The following ZNF609 variants were observed in gnomAD, a reference collection of about 807,000 sequenced individuals.
ZNF609 encodes zinc finger protein 609.
ZNF609 carries 11 observed loss-of-function variants against 109.5 expected under a neutral mutation model. The observed-to-expected ratio is 0.10, with a 90% confidence interval of 0.06 to 0.17. ZNF609 has a LOEUF of 0.17. Ranked by LOEUF, ZNF609 falls within the 10% of genes least tolerant of loss-of-function variation. ZNF609 has a pLI of 1.00. For missense variants in ZNF609, 1,559 were observed against 1,772.4 expected (o/e 0.88, Z 2.16); for synonymous variants, 646 against 662.0 (o/e 0.98, Z 0.37).
chr15:64,524,180 C>G (rs939076434), intron 2 of ZNF609, among the ~76,000 whole-genome samples: 17 of 152,084 alleles, frequency 1.1e-4, no homozygotes, highest in African/African-American at 2.9e-4. Context: ...AACCCTGTAC[C>G]CATCAGCAGT....
chr15:64,589,900 G>A (rs1333066714), intron 2 of ZNF609, among the ~76,000 whole-genome samples: 1 of 152,214 alleles, frequency 6.6e-6, no homozygotes, highest in Non-Finnish European at 1.5e-5. Context: ...GCTCTTGATA[G>A]TATTCACAGA....
intron 2 of ZNF609, among the ~76,000 whole-genome samples, chr15:64,549,678 T>TGA (rs548270106): frequency 1.3e-5 from 2 of 151,806 alleles, no homozygotes; most frequent in East Asian, 1.9e-4. Flanking sequence ...TGTGTGTGAG[T>TGA]GAGAGAGAGA....
At chr15:64,571,060 C>T (rs1334421849) in intron 2 of ZNF609, among the ~76,000 whole-genome samples, 1 of 152,138 alleles carries the variant, frequency 6.6e-6, no homozygotes, top group Non-Finnish European at 1.5e-5. Flanking sequence ...TCTATATGGA[C>T]AGTCATATCT....
intron 1 of ZNF609, among the ~76,000 whole-genome samples, chr15:64,468,623 C>A (rs1197159519): frequency 7.9e-5 from 12 of 152,022 alleles, no homozygotes; most frequent in Non-Finnish European, 5.9e-5. Flanking sequence ...GTCTGGTTGC[C>A]CAGGCTGGTC....
chr15:64,461,245 G>C (rs927126253), intron 1 of ZNF609, among the ~76,000 whole-genome samples: 6 of 41,864 alleles, frequency 1.4e-4, no homozygotes, highest in African/African-American at 2.8e-4. Flanking sequence ...GGTGGTGGTT[G>C]TTCAGAGCAT....
chr15:64,486,984 A>G (rs1192452114), intron 1 of ZNF609, among the ~76,000 whole-genome samples: 1 of 152,062 alleles, frequency 6.6e-6, no homozygotes, highest in African/African-American at 2.4e-5. Flanking sequence ...TTATGTCACA[A>G]TTTTTGGTTA....
rs747733669 is a variant in ZNF609 at position 64,680,705 on chromosome 15, T to C, written c.4005T>C (p.Gly1335=). The change falls in exon 8 of 10, where the codon GGT becomes GGC. Residue 1335 remains glycine, a synonymous_variant. Coordinates refer to ENST00000326648, the MANE Select transcript of ZNF609 (RefSeq NM_015042.2). ...DRGGCGVVGG[G]GSCSSVGGAS... is the part of the protein sequence containing the mutation. The stretch of plus-strand genomic sequence containing the variant: ...GAGGCTGTGGGGTGGTTGGGGGTGG[T>C]GGCAGCTGTAGCAGCGTCGGGGGAG... 1.3e-6 allele frequency: 2 copies of C among 1,598,892 alleles called. No individual in the cohort carries two copies. Among genetic ancestry groups the C allele is most frequent in the Non-Finnish European group, 1.7e-6 (2 of 1,173,770 alleles).
intron 3 of ZNF609, among the ~76,000 whole-genome samples, chr15:64,640,823 G>T (rs139967263): frequency 6.6e-6 from 1 of 152,338 alleles, no homozygotes; most frequent in East Asian, 1.9e-4. Context: ...AAGGATATAC[G>T]ATTTAAGGGT....
chr15:64,500,715 G>A (rs549092849), intron 2 of ZNF609: 25 of 404,602 alleles, frequency 6.2e-5, no homozygotes, highest in African/African-American at 4.2e-4. Flanking sequence ...ACATTTTGAG[G>A]GCAAGAGGTA....
At position 64,640,094 on chromosome 15, in the gene ZNF609, A is replaced by AT. The variant is rs775293584; in HGVS notation, c.973+17050dup. ...GCCACCACACCCAGCTAATTGTTGT[A>AT]TTTTTTTTAGTAGAGACAGTGTTTC... On this transcript the variant is annotated intron_variant, in intron 3 of 9. Coordinates refer to ENST00000326648, the MANE Select transcript of ZNF609 (RefSeq NM_015042.2). Among the ~76,000 whole-genome samples, 1,355 of 151,332 alleles carry AT rather than the reference A, an allele frequency of 9.0e-3. 23 individuals are homozygous for AT. Among genetic ancestry groups the AT allele is most frequent in the African/African-American group, 0.031 (1,290 of 41,320 alleles).
intron 2 of ZNF609, among the ~76,000 whole-genome samples, chr15:64,541,426 C>CAAAAAAAAAA (rs34461479): frequency 1.5e-5 from 1 of 67,830 alleles, no homozygotes; most frequent in Non-Finnish European, 3.2e-5. Context: ...GACTCCGTCT[C>CAAAAAAAAAA]AAAAAAAAAA....
At chr15:64,582,228 CA>C (rs1366571181) in intron 2 of ZNF609, among the ~76,000 whole-genome samples, 1 of 152,136 alleles carries the variant, frequency 6.6e-6, no homozygotes, top group African/African-American at 2.4e-5. Context: ...CTACAACAGC[CA>C]AGTTGAGTAA....
chr15:64,650,822 A>T (rs1464874256), intron 3 of ZNF609, among the ~76,000 whole-genome samples: 1 of 151,558 alleles, frequency 6.6e-6, no homozygotes, highest in Non-Finnish European at 1.5e-5. Context: ...ATCTTCACCT[A>T]AGACTAGAAT....
At position 64,598,760 on chromosome 15, in the gene ZNF609, A is replaced by G. The variant is rs1376492165; in HGVS notation, c.748-24067A>G. On this transcript the variant is annotated intron_variant, in intron 2 of 9. Transcript: ENST00000326648. Reference sequence around the variant, plus strand: ...TGTGTGTGTATATATATATATATATATATATATATATATATATATATATAT... The same window carrying G: ...TGTGTGTGTATATATATATATATATGTATATATATATATATATATATATAT... Among the ~76,000 whole-genome samples the G allele has an allele frequency of 1.9e-3, 234 of 124,752 alleles. 5 individuals are homozygous for G. The highest frequency in any genetic ancestry group is 5.2e-3 in the Admixed American group (66 of 12,638). 81.8% of individuals were successfully genotyped at this position (124,752 alleles called of 152,430 possible). A position where few individuals can be genotyped will look rare whatever the true frequency, so the allele number is the denominator to read the frequency against.
At chr15:64,519,093 C>A (rs1257124157) in intron 2 of ZNF609, among the ~76,000 whole-genome samples, 2 of 124,026 alleles carry the variant, frequency 1.6e-5, no homozygotes, top group African/African-American at 6.5e-5. Flanking sequence ...TAATTAGGAA[C>A]TGAACCATTC....
At chr15:64,511,863 C>G (rs1196967437) in intron 2 of ZNF609, among the ~76,000 whole-genome samples, 2 of 151,790 alleles carry the variant, frequency 1.3e-5, no homozygotes, top group Non-Finnish European at 2.9e-5. Flanking sequence ...TACAGGCACA[C>G]TCCACCACGC....
At chr15:64,591,204 C>T (rs1397647726) in intron 2 of ZNF609, among the ~76,000 whole-genome samples, 1 of 152,042 alleles carries the variant, frequency 6.6e-6, no homozygotes, top group Non-Finnish European at 1.5e-5. Context: ...CCAAGGCTGG[C>T]GGATCATGAG....
At chr15:64,655,261 T>G (rs906252730) in intron 3 of ZNF609, among the ~76,000 whole-genome samples, 1 of 150,632 alleles carries the variant, frequency 6.6e-6, no homozygotes, top group African/African-American at 2.4e-5. Context: ...CTGACCAGCA[T>G]GGAGAAACCC....
chr15:64,588,442 A>AAAAAAAAAAAAAAAG (rs71133451), intron 2 of ZNF609, among the ~76,000 whole-genome samples: 1,560 of 75,200 alleles, frequency 0.021, 497 homozygotes, highest in Middle Eastern at 0.054. Context: ...AAAAAAAAAA[A>AAAAAAAAAAAAAAAG]AAGAAGAGGA....
Sources: allele counts gnomAD v4.1 joint callset (sites outside exome capture counted in the v4.1 genomes callset), GRCh38; gene constraint gnomAD v4.1.1; transcripts MANE v1.5; gene names NCBI Gene and HGNC (gene_info 2026-07-23, HGNC 2026-07-21).